The following CFAP299 variants were observed in gnomAD, a reference collection of about 807,000 sequenced individuals.
CFAP299 encodes the protein cilia- and flagella-associated protein 299.
In CFAP299, 21 loss-of-function variants were observed where a neutral mutation model predicts 27.0. That is an observed-to-expected ratio of 0.78 (90% CI 0.55 to 1.12). The LOEUF (loss-of-function observed/expected upper bound fraction) is 1.12. CFAP299 is among the 50% of genes most tolerant of loss of function. The pLI is 0.00. For synonymous variants in CFAP299, 104 were observed against 98.1 expected, an observed-to-expected ratio of 1.06 and a Z score of -0.36; for missense variants, 310 against 276.6, an observed-to-expected ratio of 1.12 and a Z score of -0.86.
chr4:80,582,741 A>G (rs970567011), intron 2 of CFAP299, among the ~76,000 whole-genome samples: 2 of 151,848 alleles, frequency 1.3e-5, no homozygotes, highest in Admixed American at 1.3e-4. Context: ...AAATTAATAA[A>G]CTGTACTAAA....
intron 1 of CFAP299, among the ~76,000 whole-genome samples, chr4:80,350,263 A>G (rs985185717): frequency 2.6e-5 from 4 of 152,174 alleles, no homozygotes; most frequent in Admixed American, 1.3e-4. Flanking sequence ...AAGAAGTTCA[A>G]TGAATTCCAA....
intron 3 of CFAP299, among the ~76,000 whole-genome samples, chr4:80,695,292 C>T (rs1415571019): frequency 1.3e-5 from 2 of 152,074 alleles, no homozygotes; most frequent in Non-Finnish European, 2.9e-5. Context: ...CCAAGTAAAG[C>T]CTAGTGATTA....
chr4:80,522,577 A>T (rs1276816998), intron 2 of CFAP299, among the ~76,000 whole-genome samples: 1 of 152,080 alleles, frequency 6.6e-6, no homozygotes, highest in Admixed American at 6.6e-5. Context: ...CATTTCCAAG[A>T]TCAACATTTT....
intron 5 of CFAP299, among the ~76,000 whole-genome samples, chr4:80,953,071 C>T (rs1046007679): frequency 6.6e-6 from 1 of 152,176 alleles, no homozygotes; most frequent in Non-Finnish European, 1.5e-5. Flanking sequence ...TATATAATCC[C>T]TTTTGAAAAA....
intron 3 of CFAP299, among the ~76,000 whole-genome samples, chr4:80,594,604 C>A (rs1736962203): frequency 6.6e-6 from 1 of 152,006 alleles, no homozygotes; most frequent in Non-Finnish European, 1.5e-5. Context: ...ATATCATATA[C>A]CATTTTATTT....
chr4:80,566,219 T>G (rs1194744612), intron 2 of CFAP299, among the ~76,000 whole-genome samples: 1 of 152,122 alleles, frequency 6.6e-6, no homozygotes, highest in African/African-American at 2.4e-5. Context: ...ATTTCAAGTT[T>G]TATTAAAGGA....
At chr4:80,890,082 T>A (rs1304668634) in intron 4 of CFAP299, among the ~76,000 whole-genome samples, 1 of 152,070 alleles carries the variant, frequency 6.6e-6, no homozygotes, top group East Asian at 1.9e-4. Flanking sequence ...GATAATGATG[T>A]TATTTTCCCC....
At chr4:80,736,409 A>G (rs1176972785) in intron 3 of CFAP299, among the ~76,000 whole-genome samples, 1 of 152,022 alleles carries the variant, frequency 6.6e-6, no homozygotes, top group African/African-American at 2.4e-5. Flanking sequence ...TTCGCAACCT[A>G]CTCATCTGAC....
At chr4:80,505,073 T>C (rs1270602119) in intron 2 of CFAP299, among the ~76,000 whole-genome samples, 1 of 149,934 alleles carries the variant, frequency 6.7e-6, no homozygotes, top group African/African-American at 2.4e-5. Context: ...TATATCTATA[T>C]ATGACAGATA....
chr4:80,687,825 G>A (rs969043566), intron 3 of CFAP299, among the ~76,000 whole-genome samples: 4 of 152,174 alleles, frequency 2.6e-5, no homozygotes, highest in African/African-American at 4.8e-5. Context: ...AGGTCAGTGG[G>A]TGCGCGCACC....
chr4:80,459,339 A>G (rs755639779), intron 2 of CFAP299, among the ~76,000 whole-genome samples: 2 of 152,176 alleles, frequency 1.3e-5, no homozygotes, highest in African/African-American at 2.4e-5. Context: ...GCCTCTGCAC[A>G]TGCAGACAGC....
rs1357235691 is a variant in CFAP299, at chr4:80,688,405, G to A, written c.333+105222G>A. On this transcript the variant is annotated intron_variant, in intron 3 of 5. Transcript: ENST00000358105. ...CCCCTGACCCATGAGCAGCCTAACT[G>A]GGAGGCACCCCCCAGCAGGGGCACA... is the stretch of plus-strand genomic sequence containing the variant. Among the ~76,000 whole-genome samples, 7 of 30,290 alleles carry A rather than the reference G, an allele frequency of 2.3e-4. No homozygotes were observed. The East Asian group carries it at 9.1e-3, about 39-fold the overall frequency. 19.9% of individuals were successfully genotyped at this position (30,290 alleles called of 152,430 possible).
In CFAP299 at chr4:80,822,142, C is replaced by T. The variant is rs552899720; in HGVS notation, c.334-47851C>T. ...TGCACAAATACTTTAATGCACTGAG[C>T]TTATTATTCCAGTTTTTCGGGATCC... On this transcript the variant is annotated intron_variant, in intron 3 of 5. Coordinates refer to ENST00000358105, the MANE Select transcript of CFAP299 (RefSeq NM_152770.3). Among the ~76,000 whole-genome samples the T allele has an allele frequency of 5.5e-4, 83 of 152,220 alleles. 2 individuals are homozygous for T. The South Asian group carries it at 0.017, about 31-fold the overall frequency.
intron 3 of CFAP299, among the ~76,000 whole-genome samples, chr4:80,767,689 A>C (rs1725968886): frequency 6.6e-6 from 1 of 152,228 alleles, no homozygotes; most frequent in African/African-American, 2.4e-5. Context: ...TGGGTAACAG[A>C]AATTGCTGAA....
intron 2 of CFAP299, among the ~76,000 whole-genome samples, chr4:80,551,699 A>C (rs1734519381): frequency 6.6e-6 from 1 of 151,848 alleles, no homozygotes; most frequent in South Asian, 2.1e-4. Flanking sequence ...TCTTCATATG[A>C]CTAAGACTTT....
At chr4:80,348,766 C>T (rs1722876081) in intron 1 of CFAP299, among the ~76,000 whole-genome samples, 3 of 152,184 alleles carry the variant, frequency 2.0e-5, no homozygotes, top group African/African-American at 7.2e-5. Context: ...CCCTGGCTCC[C>T]ATATATATGA....
chr4:80,422,443 C>T (rs79273882), intron 2 of CFAP299, among the ~76,000 whole-genome samples: 2,368 of 152,150 alleles, frequency 0.016, 64 homozygotes, highest in African/African-American at 0.052. Context: ...TCTGCTACTA[C>T]GCCCATAGGC....
chr4:80,866,655 T>A (rs947621146), intron 3 of CFAP299, among the ~76,000 whole-genome samples: 2 of 152,152 alleles, frequency 1.3e-5, no homozygotes, highest in Non-Finnish European at 2.9e-5. Flanking sequence ...CAGGGCTGTA[T>A]ACGATGATTC....
intron 3 of CFAP299, among the ~76,000 whole-genome samples, chr4:80,803,822 C>T (rs1290816729): frequency 6.6e-6 from 1 of 151,144 alleles, no homozygotes; most frequent in East Asian, 1.9e-4. Context: ...ATACAATTTG[C>T]CGTCTTAATT....
Sources: allele counts gnomAD v4.1 joint callset (sites outside exome capture counted in the v4.1 genomes callset), GRCh38; gene constraint gnomAD v4.1.1; transcripts MANE v1.5; gene names NCBI Gene and HGNC (gene_info 2026-07-23, HGNC 2026-07-21).